The following MED23 variants were observed in gnomAD, a reference collection of about 807,000 sequenced individuals.
The protein encoded by MED23 is mediator of RNA polymerase II transcription subunit 23.
A neutral mutation model predicts 163.9 loss-of-function variants in MED23; 105 were observed. The ratio of observed to expected loss-of-function variants is 0.64; its 90% CI spans 0.55 to 0.75. The LOEUF is 0.75. Among genes scored for constraint, MED23 ranks in the 30% least tolerant of loss-of-function variants. The pLI, the probability that MED23 is intolerant of heterozygous loss-of-function variation, is 0.00. For synonymous variants in MED23, 561 were observed against 565.6 expected (o/e 0.99, Z 0.12); for missense variants, 1,054 against 1,649.0 (o/e 0.64, Z 6.25).
At chr6:131,584,607 T>A (rs1196859429), downstream of MED23, among the ~76,000 whole-genome samples, 1 of 152,110 alleles carries the variant, frequency 6.6e-6, no homozygotes, top group Non-Finnish European at 1.5e-5. Flanking sequence ...GATGTCCATG[T>A]TTTACTTTTT....
intron 13 of MED23, 42 bp from the exon 14 acceptor site, chr6:131,605,527 C>A: frequency 1.3e-6 from 2 of 1,499,390 alleles, no homozygotes; most frequent in Non-Finnish European, 8.9e-7. Flanking sequence ...ATGAAAATAA[C>A]TTCCATAATG....
chr6:131,608,137 T>G, intron 11 of MED23, 66 bp from the exon 12 acceptor site: 1 of 1,581,568 alleles, frequency 6.3e-7, no homozygotes, highest in East Asian at 2.3e-5. Context: ...AGGAAGTTTT[T>G]GTTGTTTTTT....
chr6:131,584,517 T>C (rs190945996), downstream of MED23, among the ~76,000 whole-genome samples: 1 of 152,260 alleles, frequency 6.6e-6, no homozygotes, highest in East Asian at 1.9e-4. Flanking sequence ...CTTGAAACTA[T>C]TTAAACTCCC....
chr6:131,576,044 G>A (rs944248120), intron 30 of MED23, among the ~76,000 whole-genome samples: 1 of 152,168 alleles, frequency 6.6e-6, no homozygotes, highest in Admixed American at 6.5e-5. Context: ...GGTTTGCAGA[G>A]TTTCTCCATC....
Position 131,603,067 on chromosome 6 carries a change from C to G in MED23, c.1894G>C (p.Ala632Pro). 6.2e-7 allele frequency: 1 copy of G among 1,613,926 alleles called. No individual in the cohort carries two copies. Among genetic ancestry groups the G allele is most frequent in the South Asian group, 1.1e-5 (1 of 91,078 alleles). Residue 632 changes from alanine to proline, a missense_variant, in exon 16 of 29, where the codon GCA (alanine) becomes CCA (proline). Ala to Pro is a conservative substitution (Grantham distance 27, BLOSUM62 -1). Transcript: ENST00000368068. ...TGGTTCTGGTTTGTTTGTGCAACTG[C>G]AGCCAAAGTATGAAGATGACTCAGG... ...QLLSHLHTLAAVAQTNQNQLH... is the reference protein window; with the variant it reads ...QLLSHLHTLAPVAQTNQNQLH...
In MED23 at chr6:131,587,571, C is replaced by T; in HGVS notation, c.*108G>A. On this transcript the variant is annotated 3_prime_UTR_variant, in exon 29 of 29. Transcript: ENST00000368068. The stretch of plus-strand genomic sequence containing the variant: ...CAAAATAAAACAATCTGAATATCAT[C>T]ACTGCTTCTACTATATCACTACAGT... 1.3e-6 allele frequency: 2 copies of T among 1,567,598 alleles called. No individual in the cohort carries two copies. The highest frequency in any genetic ancestry group is 1.7e-6 in the Non-Finnish European group (2 of 1,155,598).
intron 5 of MED23, 25 bp downstream of exon 5, chr6:131,623,326 A>G: frequency 1.9e-6 from 3 of 1,563,394 alleles, no homozygotes; most frequent in Non-Finnish European, 2.6e-6. Flanking sequence ...GAAAGCAATC[A>G]CTTTTTATAA....
downstream of MED23, among the ~76,000 whole-genome samples, chr6:131,585,391 T>C (rs529583242): frequency 6.6e-6 from 1 of 152,338 alleles, no homozygotes; most frequent in East Asian, 1.9e-4. Flanking sequence ...CAATCTGATT[T>C]TTCAAATGTA....
At chr6:131,602,973 C>T in intron 16 of MED23, 57 bp downstream of exon 16, 4 of 1,540,430 alleles carry the variant, frequency 2.6e-6, no homozygotes, top group Non-Finnish European at 3.6e-6. Context: ...TTAAGAACCT[C>T]ATCTCCAAGA....
chr6:131,604,191 G>A lies in MED23; in HGVS notation c.1743C>T (p.Ile581=). The change falls in exon 15 of 29, where the codon ATC becomes ATT. Residue 581 remains isoleucine (I), a synonymous_variant. Coordinates refer to ENST00000368068, the MANE Select transcript of MED23 (RefSeq NM_004830.4). ...GTCCTGTCTTACTGATAAATCCTTT[G>A]ATGCCCAAAGACTCTATTTCCATAT... The part of the protein sequence containing the change: ...LVYMEIESLG[I]KGFISQLLPT... The A allele has an allele frequency of 1.2e-6, 2 of 1,610,324 alleles. No individual in the cohort carries two copies. The highest frequency in any genetic ancestry group is 1.3e-5 in the African/African-American group (1 of 74,874).
At chr6:131,589,743 A>C (rs1774449909) in intron 27 of MED23, 147 bp from the exon 28 acceptor site, 4 of 736,896 alleles carry the variant, frequency 5.4e-6, no homozygotes, top group Non-Finnish European at 9.5e-6. Flanking sequence ...CTCTATGCAC[A>C]TGAGATATGA....
intron 16 of MED23, 69 bp from the exon 17 acceptor site, chr6:131,602,450 T>C: frequency 7.0e-7 from 1 of 1,422,430 alleles, no homozygotes; most frequent in East Asian, 2.4e-5. Flanking sequence ...CTAAGGTTAA[T>C]TACAATGGAA....
intron 8 of MED23, among the ~76,000 whole-genome samples, chr6:131,618,828 G>A (rs571207451): frequency 6.6e-6 from 1 of 152,304 alleles, no homozygotes; most frequent in African/African-American, 2.4e-5. Context: ...AGTTTTATTG[G>A]AACACCACTG....
chr6:131,579,079 T>G (rs1165960474), intron 30 of MED23: 1 of 1,611,700 alleles, frequency 6.2e-7, no homozygotes, highest in Non-Finnish European at 8.5e-7. Context: ...ATCTACTTTT[T>G]AATTTAGTAA....
chr6:131,615,312 T>C (rs774710291), intron 10 of MED23: 1 of 1,610,592 alleles, frequency 6.2e-7, no homozygotes, highest in Non-Finnish European at 8.5e-7. Flanking sequence ...AACAGTAAGG[T>C]TGTGAACATA....
chr6:131,615,831 G>A (rs1776649031), intron 10 of MED23, 76 bp downstream of exon 10: 2 of 1,063,696 alleles, frequency 1.9e-6, no homozygotes, highest in Non-Finnish European at 2.9e-6. Flanking sequence ...TGCTCAGTTA[G>A]CTATAGCAAA....
In MED23 at chr6:131,620,687, C is replaced by G. The variant is rs758016148; in HGVS notation, c.538G>C (p.Ala180Pro). 6.2e-6 allele frequency: 10 copies of G among 1,613,468 alleles called. No individual in the cohort carries two copies. Among genetic ancestry groups the G allele is most frequent in the South Asian group, 1.1e-5 (1 of 91,068 alleles). ...CTGATCTCAGTGACTGCAAAATAGG[C>G]TGGTAATAAGCAGGCATTTCTTTCC... is the stretch of plus-strand genomic sequence containing the variant. ...ILERNACLLP[A>P]YFAVTEIRKL... Residue 180 changes from alanine (A) to proline (P), a missense_variant, in exon 7 of 29, where the codon GCC becomes CCC. This residue lies in a region of MED23 where 227 missense variants were observed against 235.5 expected (regional missense o/e 0.96). Transcript: ENST00000368068.
chr6:131,587,127 TATA>T lies in MED23; in HGVS notation c.*549_*551del. The T allele has an allele frequency of 8.1e-7, 1 of 1,238,080 alleles. No individual in the cohort carries two copies. 76.7% of individuals were successfully genotyped at this position (1,238,080 alleles called of 1,614,324 possible). A position where few individuals can be genotyped will look rare whatever the true frequency, so the allele number is the denominator to read the frequency against. ...GACCTTGATAGAAACTATGGAAATT[TATA>T]ATAAAATTTCAAGTCATTTTAAAAA... On this transcript the variant is annotated 3_prime_UTR_variant, in exon 29 of 29. Transcript: ENST00000368068.
chr6:131,594,463 G>A (rs1365756462), intron 22 of MED23, 128 bp from the exon 23 acceptor site: 9 of 779,674 alleles, frequency 1.2e-5, no homozygotes, highest in Non-Finnish European at 2.1e-5. Context: ...CACATGCTGG[G>A]CAATTGTATA....
Sources: allele counts gnomAD v4.1 joint callset (sites outside exome capture counted in the v4.1 genomes callset), GRCh38; gene constraint gnomAD v4.1.1; regional missense constraint gnomAD v4.1.1; transcripts MANE v1.5; gene names NCBI Gene and HGNC (gene_info 2026-07-23, HGNC 2026-07-21).